The following COL21A1 variants were observed in gnomAD, a reference collection of about 807,000 sequenced individuals.
The protein encoded by COL21A1 is collagen type XXI alpha 1 chain.
A neutral mutation model predicts 137.9 loss-of-function variants in COL21A1; 149 were observed. That is an observed-to-expected ratio of 1.08 (90% CI 0.95 to 1.24). COL21A1 has a LOEUF of 1.24. Among genes scored for constraint, COL21A1 ranks in the 50% most tolerant of loss-of-function variants. COL21A1 has a pLI of 0.00. For missense variants in COL21A1, 1,167 were observed against 1,158.4 expected, an observed-to-expected ratio of 1.01 and a Z score of -0.11; for synonymous variants, 456 against 391.5, an observed-to-expected ratio of 1.16 and a Z score of -1.95.
chr6:56,287,397 T>G (rs962884587), intron 1 of COL21A1, among the ~76,000 whole-genome samples: 2 of 152,082 alleles, frequency 1.3e-5, no homozygotes, highest in Non-Finnish European at 2.9e-5. Context: ...TTGTAATCCT[T>G]AGTGTTGGAG....
chr6:56,131,807 GTTA>G (rs917463929), intron 12 of COL21A1, among the ~76,000 whole-genome samples: 1 of 152,042 alleles, frequency 6.6e-6, no homozygotes. Flanking sequence ...TGTTGAGAGA[GTTA>G]TTATATAATA....
chr6:56,150,078 A>G (rs1200616866), intron 10 of COL21A1, among the ~76,000 whole-genome samples: 1 of 151,840 alleles, frequency 6.6e-6, no homozygotes. Context: ...CCAGTACTTC[A>G]TATTTTTGTG....
chr6:56,204,558 A>T (rs918827614), intron 1 of COL21A1, among the ~76,000 whole-genome samples: 40 of 152,138 alleles, frequency 2.6e-4, no homozygotes, highest in African/African-American at 9.7e-4. Context: ...GTGCAGCTTC[A>T]ACATACGTAA....
At chr6:56,190,173 C>G (rs552396107) in intron 1 of COL21A1, among the ~76,000 whole-genome samples, 1 of 151,860 alleles carries the variant, frequency 6.6e-6, no homozygotes, top group East Asian at 1.9e-4. Flanking sequence ...TTGAAAAGAT[C>G]AACAAAATAG....
At chr6:56,217,949 A>G (rs564480206) in intron 1 of COL21A1, among the ~76,000 whole-genome samples, 1 of 152,250 alleles carries the variant, frequency 6.6e-6, no homozygotes, top group Non-Finnish European at 1.5e-5. Flanking sequence ...GGGGATGGCA[A>G]GCCAATTCTA....
At chr6:56,254,520 G>A (rs559992162) in intron 1 of COL21A1, among the ~76,000 whole-genome samples, 1 of 152,176 alleles carries the variant, frequency 6.6e-6, no homozygotes, top group African/African-American at 2.4e-5. Context: ...GATGTGGTTA[G>A]TAACAGGCTG....
intron 1 of COL21A1, among the ~76,000 whole-genome samples, chr6:56,223,526 A>G (rs1015725372): frequency 6.6e-6 from 1 of 152,118 alleles, no homozygotes; most frequent in African/African-American, 2.4e-5. Flanking sequence ...CATGCTTAGC[A>G]CATTTGTTTA....
At chr6:56,327,476 A>G (rs998980467) in intron 1 of COL21A1, among the ~76,000 whole-genome samples, 3 of 152,076 alleles carry the variant, frequency 2.0e-5, no homozygotes, top group Non-Finnish European at 4.4e-5. Flanking sequence ...GAAGACACCA[A>G]GGTGATGGAT....
chr6:56,244,917 T>C (rs1309154377), intron 1 of COL21A1, among the ~76,000 whole-genome samples: 1 of 152,192 alleles, frequency 6.6e-6, no homozygotes, highest in Non-Finnish European at 1.5e-5. Context: ...TCAAATAATG[T>C]GAAAGGAATT....
Position 56,315,266 on chromosome 6 carries a change from C to T in COL21A1, c.-39+78705G>A, listed in dbSNP as rs75473504. On this transcript the variant is annotated intron_variant, in intron 1 of 28. Transcript: ENST00000370819. ...TGTGAGAGCTTCCTTGCCCCTCGGG[C>T]CTACATGCCTGCCTTTTGATTGATC... Among the ~76,000 whole-genome samples, 1,379 of 152,242 alleles carry T rather than the reference C, an allele frequency of 9.1e-3. 28 individuals carry two copies. Among genetic ancestry groups the T allele is most frequent in the African/African-American group, 0.032 (1,328 of 41,538 alleles).
At chr6:56,351,415 T>G in intron 1 of COL21A1, among the ~76,000 whole-genome samples, 1 of 152,334 alleles carries the variant, frequency 6.6e-6, no homozygotes, top group East Asian at 1.9e-4. Context: ...CACATGTAAC[T>G]GCACACCAGC....
intron 3 of COL21A1, among the ~76,000 whole-genome samples, chr6:56,178,194 G>T (rs1410879973): frequency 6.6e-6 from 1 of 152,078 alleles, no homozygotes; most frequent in African/African-American, 2.4e-5. Context: ...TCCAGGAAAA[G>T]TCTGTTTTAA....
At chr6:56,093,738 G>A (rs1769069404) in intron 17 of COL21A1, among the ~76,000 whole-genome samples, 1 of 152,108 alleles carries the variant, frequency 6.6e-6, no homozygotes, top group African/African-American at 2.4e-5. Flanking sequence ...CCCTCACTTT[G>A]TCTTGTCTCT....
At chr6:56,163,538 G>C (rs1364940789) in intron 9 of COL21A1, among the ~76,000 whole-genome samples, 2 of 151,940 alleles carry the variant, frequency 1.3e-5, no homozygotes, top group Non-Finnish European at 2.9e-5. Flanking sequence ...GTGAAACCCC[G>C]TCTCTACTAA....
Position 56,168,131 on chromosome 6 carries a change from G to A in COL21A1, c.1193C>T (p.Thr398Ile), listed in dbSNP as rs780211265. 1 of 1,514,002 alleles carries A rather than the reference G, an allele frequency of 6.6e-7. No individual in the cohort carries two copies. 93.8% of individuals were successfully genotyped at this position (1,514,002 alleles called of 1,614,324 possible). ...AAATCATTATTTATCTACCTGAACA[G>A]TTTCTTCTTTTCCAGAATATTTTCC... Reference protein sequence around the residue: ...QIGKYSGKEETVQFDVQKLRI... With the variant: ...QIGKYSGKEEIVQFDVQKLRI... The change falls in exon 6 of 30, where the codon ACT becomes ATT. Residue 398 changes from threonine (T) to isoleucine (I), a missense_variant. By Grantham distance (89) the Thr-to-Ile change is moderately conservative. Coordinates refer to ENST00000244728, the MANE Select transcript of COL21A1 (RefSeq NM_030820.4).
At chr6:56,061,173 A>G (rs1415520760) in intron 25 of COL21A1, 136 bp from the exon 26 acceptor site, 4 of 731,808 alleles carry the variant, frequency 5.5e-6, no homozygotes, top group Non-Finnish European at 8.4e-6. Context: ...ATAGCCGGAA[A>G]TATTGTCATT....
chr6:56,087,398 T>C (rs1008295789), intron 17 of COL21A1, among the ~76,000 whole-genome samples: 1 of 152,140 alleles, frequency 6.6e-6, no homozygotes, highest in Non-Finnish European at 1.5e-5. Flanking sequence ...AGATACATTG[T>C]CTTAGGGGGC....
chr6:56,368,337 C>T (rs1766147522), intron 1 of COL21A1, among the ~76,000 whole-genome samples: 1 of 152,092 alleles, frequency 6.6e-6, no homozygotes, highest in Non-Finnish European at 1.5e-5. Flanking sequence ...AATCTCTGCA[C>T]CTATACACAT....
chr6:56,198,693 A>C (rs1467470702), intron 1 of COL21A1, among the ~76,000 whole-genome samples: 1 of 152,126 alleles, frequency 6.6e-6, no homozygotes, highest in Non-Finnish European at 1.5e-5. Context: ...ATGCTTTCAG[A>C]TCTATTTCAC....
Sources: gnomAD v4.1 joint callset for allele counts (sites outside exome capture counted in the v4.1 genomes callset) on GRCh38, gnomAD v4.1.1 for gene constraint, MANE v1.5 for transcripts, NCBI Gene and HGNC (gene_info 2026-07-23, HGNC 2026-07-21) for gene names.